The following ETFB variants were observed in gnomAD, a reference collection of about 807,000 sequenced individuals.
ETFB encodes electron transfer flavoprotein subunit beta.
A neutral mutation model predicts 25.6 loss-of-function variants in ETFB; 20 were observed. The observed-to-expected ratio is 0.78, with a 90% confidence interval of 0.55 to 1.14. The LOEUF is 1.14. Among genes scored for constraint, ETFB ranks in the 50% most tolerant of loss-of-function variants. The probability of loss-of-function intolerance (pLI) is 0.00; values close to 1 mark genes in which losing one functional copy is unlikely to be tolerated. For synonymous variants in ETFB, 142 were observed against 146.7 expected, an observed-to-expected ratio of 0.97 and a Z score of 0.23; for missense variants, 286 against 342.6, an observed-to-expected ratio of 0.83 and a Z score of 1.30.
In ETFB at chr19:51,366,363, C is replaced by G; in HGVS notation, c.-37G>C. ...AGCCACTTACAGGGTCAGCCCGCAC[C>G]CTCAGCGGCTCAGTCCAGAAGCCCC... On this transcript the variant is annotated 5_prime_UTR_variant, in exon 1 of 6. Transcript: ENST00000309244. 6.2e-7 allele frequency: 1 copy of G among 1,605,140 alleles called. No individual in the cohort carries two copies. Among genetic ancestry groups the G allele is most frequent in the Non-Finnish European group, 8.5e-7 (1 of 1,176,016 alleles).
Position 51,346,896 on chromosome 19 carries a change from T to C in ETFB, c.597+4A>G. ...CCCTCAGTGCCCGCTGGCCAGGGGCTCACCATGATGTTGGGCAGCGTGGCG... is the reference window on the plus strand; with the variant it reads ...CCCTCAGTGCCCGCTGGCCAGGGGCCCACCATGATGTTGGGCAGCGTGGCG... On this transcript the variant is annotated splice_donor_region_variant and intron_variant, in intron 5 of 5. Transcript: ENST00000309244. 1 of 1,551,048 alleles carries C rather than the reference T, an allele frequency of 6.4e-7. No homozygotes were observed. The highest frequency in any genetic ancestry group is 8.7e-7 in the Non-Finnish European group (1 of 1,147,756).
At chr19:51,352,143 C>T (rs181077765) in intron 3 of ETFB, among the ~76,000 whole-genome samples, 92 of 152,058 alleles carry the variant, frequency 6.1e-4, no homozygotes, top group Non-Finnish European at 8.5e-4. Context: ...AGGTTCTGGT[C>T]GGGTCCTCAC....
chr19:51,362,162 T>TACACACAC (rs59581815), intron 1 of ETFB, among the ~76,000 whole-genome samples: 2 of 144,546 alleles, frequency 1.4e-5, no homozygotes, highest in African/African-American at 2.6e-5. Context: ...CGGACACACA[T>TACACACAC]ACACACACAC....
At chr19:51,350,193 C>A in intron 4 of ETFB, 136 bp downstream of exon 4, 3 of 976,482 alleles carry the variant, frequency 3.1e-6, no homozygotes. Flanking sequence ...AGGAGGGGAA[C>A]AAGAAAGCCA....
rs556372405 is a variant in ETFB at position 51,352,439 on chromosome 19, A to G, written c.375+693T>C. ...GGTTTCCTACCTGTGTTACCAAGGCAGACCCAGGCACTGTCCTTGCCTCCT... is the reference window on the plus strand; with the variant it reads ...GGTTTCCTACCTGTGTTACCAAGGCGGACCCAGGCACTGTCCTTGCCTCCT... On this transcript the variant is annotated intron_variant, in intron 3 of 5. Transcript: ENST00000309244. Among the ~76,000 whole-genome samples, 3 of 152,182 alleles carry G rather than the reference A, an allele frequency of 2.0e-5. No individual in the cohort carries two copies. The South Asian group carries it at 6.2e-4, about 32-fold the overall frequency.
At chr19:51,364,417 T>C (rs1330342999) in intron 1 of ETFB, among the ~76,000 whole-genome samples, 2 of 152,112 alleles carry the variant, frequency 1.3e-5, no homozygotes, top group Non-Finnish European at 2.9e-5. Context: ...CAGTAGCTGA[T>C]TCAACGCGGC....
chr19:51,366,370 G>A lies in ETFB; in HGVS notation c.-44C>T, dbSNP rs751253707. The A allele has an allele frequency of 7.5e-6, 12 of 1,595,738 alleles. No homozygotes were observed. Among genetic ancestry groups the A allele is most frequent in the South Asian group, 1.1e-5 (1 of 89,300 alleles). On this transcript the variant is annotated 5_prime_UTR_variant, in exon 1 of 6. Coordinates refer to ENST00000309244, the MANE Select transcript of ETFB (RefSeq NM_001985.3). ...TACAGGGTCAGCCCGCACCCTCAGC[G>A]GCTCAGTCCAGAAGCCCCACCACCC...
At chr19:51,358,376 G>C (rs948586487) in intron 1 of ETFB, among the ~76,000 whole-genome samples, 1 of 152,162 alleles carries the variant, frequency 6.6e-6, no homozygotes, top group African/African-American at 2.4e-5. Flanking sequence ...TTAAAAGATG[G>C]AGGACTGAGA....
intron 1 of ETFB, among the ~76,000 whole-genome samples, chr19:51,359,929 G>A (rs1986178615): frequency 6.6e-6 from 1 of 151,894 alleles, no homozygotes; most frequent in Non-Finnish European, 1.5e-5. Context: ...GAGGTGGGAG[G>A]ACGGCTTGAA....
chr19:51,347,086 T>G (rs575702007), intron 4 of ETFB, 28 bp from the exon 5 acceptor site: 1 of 1,612,444 alleles, frequency 6.2e-7, no homozygotes, highest in African/African-American at 1.3e-5. Flanking sequence ...AGGAGGAGAG[T>G]GGGTGAGGCT....
intron 5 of ETFB, 58 bp downstream of exon 5, chr19:51,346,842 G>A: frequency 3.3e-6 from 5 of 1,511,402 alleles, no homozygotes; most frequent in Non-Finnish European, 4.5e-6. Flanking sequence ...GGGGGGCACT[G>A]GGCTGGCAAT....
At chr19:51,350,016 C>CT (rs1319737145) in intron 4 of ETFB, among the ~76,000 whole-genome samples, 1 of 152,168 alleles carries the variant, frequency 6.6e-6, no homozygotes, top group Admixed American at 6.5e-5. Context: ...TCCCAAAGTG[C>CT]TGGGATTACA....
intron 4 of ETFB, among the ~76,000 whole-genome samples, chr19:51,349,447 CT>C (rs11428639): frequency 6.7e-5 from 9 of 134,182 alleles, no homozygotes; most frequent in East Asian, 2.1e-4. Context: ...TGCCTTGCTT[CT>C]TTTTTTTTTT....
intron 1 of ETFB, among the ~76,000 whole-genome samples, chr19:51,357,294 G>C (rs1986105241): frequency 6.7e-6 from 1 of 148,756 alleles, no homozygotes; most frequent in Non-Finnish European, 1.5e-5. Context: ...GGCTGGTCTT[G>C]AACTCCTGAC....
At chr19:51,354,489 G>A (rs957700187) in intron 1 of ETFB, 181 bp from the exon 2 acceptor site, 1 of 1,614,182 alleles carries the variant, frequency 6.2e-7, no homozygotes, top group Admixed American at 1.7e-5. Context: ...GCAGGGGCAG[G>A]TCACCCTGTC....
chr19:51,365,598 T>C (rs1986338314), intron 1 of ETFB: 1 of 157,128 alleles, frequency 6.4e-6, no homozygotes. Flanking sequence ...GATTCACCTC[T>C]GTCCACACCA....
chr19:51,356,028 C>T (rs990204127), intron 1 of ETFB: 1 of 151,326 alleles, frequency 6.6e-6, no homozygotes, highest in African/African-American at 2.4e-5. Flanking sequence ...ACCAACATGG[C>T]ACATATAAAC....
intron 5 of ETFB, chr19:51,346,058 G>C (rs59167577): frequency 5.7e-4 from 62 of 108,064 alleles, no homozygotes; most frequent in South Asian, 1.8e-3. Flanking sequence ...GCTGAACCCT[G>C]CCTATAGACT....
At position 51,345,271 on chromosome 19, in the gene ETFB, G is replaced by A. The variant is rs749837573; in HGVS notation, c.708C>T (p.Gly236=). ...SVEDPPQRTA[G]VKVETTEDLV... is the part of the protein sequence containing the mutation. ...GGTCCTCAGTGGTCTCCACCTTGAC[G>A]CCGGCCGTGCGCTGGGGCGGGTCCT... Residue 236 remains glycine (G), a synonymous_variant, in exon 6 of 6, where the codon GGC becomes GGT. Coordinates refer to ENST00000309244, the MANE Select transcript of ETFB (RefSeq NM_001985.3). The A allele has an allele frequency of 3.0e-5, 49 of 1,614,016 alleles. 1 individual carries two copies. In the Middle Eastern group the frequency reaches 6.6e-4, roughly 22 times the overall value.
Sources: allele counts gnomAD v4.1 joint callset (sites outside exome capture counted in the v4.1 genomes callset), GRCh38; gene constraint gnomAD v4.1.1; transcripts MANE v1.5; gene names NCBI Gene and HGNC (gene_info 2026-07-23, HGNC 2026-07-21).